NKTR: variants seen among roughly 807,000 people sequenced by gnomAD.
NKTR encodes natural killer cell triggering receptor, also known as NK-tumor recognition protein.
Under a neutral mutation model 156.3 loss-of-function variants are expected in NKTR, and 67 were observed. The ratio of observed to expected loss-of-function variants is 0.43; its 90% CI spans 0.35 to 0.53. The LOEUF (loss-of-function observed/expected upper bound fraction) is 0.53, where lower values mean the gene tolerates loss of function less well. Ranked by LOEUF, NKTR falls within the 20% of genes least tolerant of loss-of-function variation. The pLI is 0.01. For synonymous variants in NKTR, 640 were observed against 596.6 expected (o/e 1.07, Z -1.06); for missense variants, 1,604 against 1,730.9 (o/e 0.93, Z 1.30).
intron 2 of NKTR, among the ~76,000 whole-genome samples, chr3:42,611,504 C>A (rs534433262): frequency 6.6e-6 from 1 of 151,928 alleles, no homozygotes; most frequent in African/African-American, 2.4e-5. Flanking sequence ...GAGGTCGAGG[C>A]GGGCAAATCA....
rs140572858 is a variant in NKTR, at chr3:42,637,469, A to G, written c.1765A>G (p.Met589Val). The G allele has an allele frequency of 9.9e-6, 16 of 1,613,580 alleles. No homozygotes were observed. Among genetic ancestry groups the G allele is most frequent in the African/African-American group, 6.7e-5 (5 of 75,008 alleles). ...TAAAACAGAACCTTTAAGAGCAACC[A>G]TGGCACAAAATGAAAATGTAGTAGT... is the stretch of plus-strand genomic sequence containing the variant. ...PVKTEPLRAT[M>V]AQNENVVVQP... Residue 589 changes from methionine (M) to valine (V), a missense_variant, in exon 13 of 17, where the codon ATG becomes GTG. Transcript: ENST00000232978.
chr3:42,617,140 TAA>T (rs1360513343), intron 2 of NKTR, among the ~76,000 whole-genome samples: 1 of 152,098 alleles, frequency 6.6e-6, no homozygotes, highest in African/African-American at 2.4e-5. Flanking sequence ...AAGCTGAAAA[TAA>T]AGAGACAGAG....
chr3:42,632,439 CTT>C, intron 8 of NKTR, 160 bp from the exon 9 acceptor site: 1 of 573,186 alleles, frequency 1.7e-6, no homozygotes, highest in Non-Finnish European at 3.1e-6. Context: ...ACCTTACAAT[CTT>C]GCCAGTAATT....
In NKTR at chr3:42,601,078, T is replaced by A. The variant is rs1273521186; in HGVS notation, c.58+14T>A. 5 of 1,556,026 alleles carry A rather than the reference T, an allele frequency of 3.2e-6. No individual in the cohort carries two copies. The highest frequency in any genetic ancestry group is 2.3e-4 in the Middle Eastern group (1 of 4,370). Reference sequence around the variant, plus strand: ...ACCGGGAGCCGGGTGAGCTGGAAACTGGGGAGCGCTGCTGGGGCCGAGGCC... The same window carrying A: ...ACCGGGAGCCGGGTGAGCTGGAAACAGGGGAGCGCTGCTGGGGCCGAGGCC... On this transcript the variant is annotated intron_variant, in intron 2 of 16. Coordinates refer to ENST00000232978, the MANE Select transcript of NKTR (RefSeq NM_005385.4).
intron 2 of NKTR, among the ~76,000 whole-genome samples, chr3:42,605,578 A>G (rs1479255579): frequency 6.6e-6 from 1 of 152,234 alleles, no homozygotes; most frequent in East Asian, 1.9e-4. Flanking sequence ...TTCCAAAGCT[A>G]ACAGGACAGG....
intron 2 of NKTR, among the ~76,000 whole-genome samples, chr3:42,611,997 A>G (rs1166733689): frequency 6.6e-6 from 1 of 152,216 alleles, no homozygotes; most frequent in African/African-American, 2.4e-5. Flanking sequence ...TCTATTCAGG[A>G]GGCTGAGGCA....
rs565226672 is a variant in NKTR, at chr3:42,633,809, C to G, written c.929+74C>G. 3.9e-5 allele frequency: 59 copies of G among 1,515,576 alleles called. No homozygotes were observed. The African/African-American group carries it at 7.0e-4, about 18-fold the overall frequency. 93.9% of individuals were successfully genotyped at this position (1,515,576 alleles called of 1,614,324 possible). A position where few individuals can be genotyped will look rare whatever the true frequency, so the allele number is the denominator to read the frequency against. ...TTCCGTCAGCTCATTGCATTCCACA[C>G]TCATGTATGGAACATGATCCATGTT... On this transcript the variant is annotated intron_variant, in intron 10 of 16. Transcript: ENST00000232978.
At chr3:42,641,983 T>G (rs865880407) in intron 13 of NKTR, among the ~76,000 whole-genome samples, 2 of 152,246 alleles carry the variant, frequency 1.3e-5, no homozygotes, top group African/African-American at 2.4e-5. Context: ...TTTGTTGTCT[T>G]TCTTTATAGC....
At chr3:42,630,740 A>G (rs1708818261) in intron 7 of NKTR, 165 bp downstream of exon 7, 8 of 1,419,468 alleles carry the variant, frequency 5.6e-6, no homozygotes, top group Non-Finnish European at 6.5e-6. Context: ...TTGAGACCCC[A>G]TGGCTCTCAT....
Position 42,647,008 on chromosome 3 carries a change from A to C in NKTR, c.*1033A>C, listed in dbSNP as rs1321028975. The C allele has an allele frequency of 2.0e-5, 3 of 151,740 alleles. No individual in the cohort carries two copies. The highest frequency in any genetic ancestry group is 6.6e-5 in the Admixed American group (1 of 15,238). 9.4% of individuals were successfully genotyped at this position (151,740 alleles called of 1,614,324 possible). A position where few individuals can be genotyped will look rare whatever the true frequency, so the allele number is the denominator to read the frequency against. On this transcript the variant is annotated 3_prime_UTR_variant, in exon 17 of 17. Transcript: ENST00000232978. Reference sequence around the variant, plus strand: ...ACTTCAAAAGTAACATCAAAAATCTAACTGCCACCATCCTGGAGACATTTT... The same window carrying C: ...ACTTCAAAAGTAACATCAAAAATCTCACTGCCACCATCCTGGAGACATTTT...
chr3:42,630,431 C>A (rs1288009984), intron 6 of NKTR, 115 bp from the exon 7 acceptor site: 2 of 1,543,062 alleles, frequency 1.3e-6, no homozygotes, highest in African/African-American at 2.8e-5. Flanking sequence ...ACTTTTTCCC[C>A]TATCTTTTTA....
At position 42,637,144 on chromosome 3, in the gene NKTR, T is replaced by C; in HGVS notation, c.1440T>C (p.Asp480=). The change falls in exon 13 of 17, where the codon GAT becomes GAC. Residue 480 remains aspartate (D), a synonymous_variant. Coordinates refer to ENST00000232978, the MANE Select transcript of NKTR (RefSeq NM_005385.4). ...SSTRRMKSSC[D]RERSSRSSSL... is the part of the protein sequence containing the mutation. ...CTCGAAGAATGAAATCCTCTTGTGA[T>C]AGAGAAAGGAGTTCTCGTTCTTCCT... 1 of 1,611,678 alleles carries C rather than the reference T, an allele frequency of 6.2e-7. No individual in the cohort carries two copies. Among genetic ancestry groups the C allele is most frequent in the Non-Finnish European group, 8.5e-7 (1 of 1,179,320 alleles).
At chr3:42,611,535 A>G (rs1370814988) in intron 2 of NKTR, among the ~76,000 whole-genome samples, 2 of 151,942 alleles carry the variant, frequency 1.3e-5, no homozygotes, top group African/African-American at 4.8e-5. Context: ...AGTTCAAGAC[A>G]AGCCTGGCCA....
intron 16 of NKTR, 56 bp downstream of exon 16, chr3:42,644,059 G>A (rs1253147267): frequency 9.1e-7 from 1 of 1,104,386 alleles, no homozygotes; most frequent in Non-Finnish European, 1.4e-6. Context: ...GTGGGCACTT[G>A]ATGTGGGAGG....
Position 42,614,206 on chromosome 3 carries a change from G to C in NKTR, c.59-3364G>C, listed in dbSNP as rs58273990. ...TATTTAGTCAGCAGCAGTTTCCAAA[G>C]AGGCATCATCAGCAGGTGTTCTTAA... is the stretch of plus-strand genomic sequence containing the variant. On this transcript the variant is annotated intron_variant, in intron 2 of 16. Transcript: ENST00000232978. Among the ~76,000 whole-genome samples the C allele has an allele frequency of 3.8e-3, 581 of 152,258 alleles. 4 individuals are homozygous for C. The highest frequency in any genetic ancestry group is 0.014 in the African/African-American group (561 of 41,526).
intron 2 of NKTR, among the ~76,000 whole-genome samples, chr3:42,604,810 T>C (rs1251351606): frequency 1.3e-5 from 2 of 151,450 alleles, no homozygotes; most frequent in Non-Finnish European, 2.9e-5. Context: ...TGCCTCTGCC[T>C]CCCCAGTAGC....
chr3:42,633,812 A>C, intron 10 of NKTR, 77 bp downstream of exon 10: 3 of 1,465,160 alleles, frequency 2.0e-6, no homozygotes, highest in Non-Finnish European at 2.8e-6. Context: ...TTCCACACTC[A>C]TGTATGGAAC....
intron 6 of NKTR, chr3:42,628,607 A>C (rs1193635446): frequency 2.0e-6 from 2 of 985,266 alleles, no homozygotes; most frequent in African/African-American, 3.5e-5. Flanking sequence ...GGAACGGATC[A>C]AAGAAGGAGA....
chr3:42,630,862 C>T, intron 7 of NKTR: 1 of 1,367,982 alleles, frequency 7.3e-7, no homozygotes, highest in Non-Finnish European at 9.4e-7. Flanking sequence ...GTAAGCAGTA[C>T]AATATCATGT....
Sources: gnomAD v4.1 joint callset for allele counts (sites outside exome capture counted in the v4.1 genomes callset) on GRCh38, gnomAD v4.1.1 for gene constraint, MANE v1.5 for transcripts, NCBI Gene and HGNC (gene_info 2026-07-23, HGNC 2026-07-21) for gene names.